SLC28A3: variants seen among roughly 807,000 people sequenced by gnomAD.
SLC28A3 encodes the protein solute carrier family 28 member 3, also known as concentrative Na(+)-nucleoside cotransporter 3.
Under a neutral mutation model 84.2 loss-of-function variants are expected in SLC28A3, and 68 were observed. The observed-to-expected ratio is 0.81, with a 90% CI of 0.66 to 0.99. The LOEUF (loss-of-function observed/expected upper bound fraction) is 0.99, where lower values mean the gene tolerates loss of function less well. Among genes scored for constraint, SLC28A3 ranks in the 50% least tolerant of loss-of-function variants. The probability of loss-of-function intolerance (pLI) is 0.00; values close to 1 mark genes in which losing one functional copy is unlikely to be tolerated. For missense variants in SLC28A3, 712 were observed against 841.5 expected, an observed-to-expected ratio of 0.85 and a Z score of 1.90; for synonymous variants, 267 against 303.6, an observed-to-expected ratio of 0.88 and a Z score of 1.25.
intron 1 of SLC28A3, among the ~76,000 whole-genome samples, chr9:84,322,422 A>G (rs1052231417): frequency 6.6e-6 from 1 of 152,230 alleles, no homozygotes; most frequent in East Asian, 1.9e-4. Context: ...TTCCTGTTCT[A>G]TGAAATCAAA....
intron 1 of SLC28A3, among the ~76,000 whole-genome samples, chr9:84,324,244 G>A (rs1826475968): frequency 6.6e-6 from 1 of 152,312 alleles, no homozygotes; most frequent in East Asian, 1.9e-4. Context: ...CTCCCTGGCT[G>A]CACAAATTAG....
intron 1 of SLC28A3, among the ~76,000 whole-genome samples, chr9:84,322,411 C>T (rs1826410233): frequency 6.6e-6 from 1 of 152,210 alleles, no homozygotes; most frequent in African/African-American, 2.4e-5. Context: ...TGGGATCTTC[C>T]TTCCTGTTCT....
the SLC28A3 span, among the ~76,000 whole-genome samples, chr9:84,355,094 C>T: frequency 6.8e-6 from 1 of 147,408 alleles, no homozygotes; most frequent in Non-Finnish European, 1.5e-5. Flanking sequence ...GGAATTAAAT[C>T]ACTGGTTGGG....
At chr9:84,343,976 A>T (rs1254208952), upstream of SLC28A3, among the ~76,000 whole-genome samples, 3 of 152,138 alleles carry the variant, frequency 2.0e-5, no homozygotes, top group Non-Finnish European at 4.4e-5. Context: ...CTGTAGTCCC[A>T]GCTACTTGGG....
At chr9:84,338,719 C>T (rs558595697) in intron 1 of SLC28A3, among the ~76,000 whole-genome samples, 3 of 152,168 alleles carry the variant, frequency 2.0e-5, no homozygotes, top group Non-Finnish European at 2.9e-5. Context: ...CTTCCTCTGA[C>T]TCTATCCAAT....
At chr9:84,317,968 C>T (rs565250928) in intron 1 of SLC28A3, among the ~76,000 whole-genome samples, 2 of 152,242 alleles carry the variant, frequency 1.3e-5, no homozygotes, top group Admixed American at 6.5e-5. Context: ...TTTACTCTTA[C>T]CATCTACCAA....
intron 3 of SLC28A3, among the ~76,000 whole-genome samples, chr9:84,308,051 G>C (rs1285026657): frequency 6.6e-6 from 1 of 152,128 alleles, no homozygotes; most frequent in African/African-American, 2.4e-5. Context: ...TATGTGACAA[G>C]AGCTGCCAAC....
intron 1 of SLC28A3, among the ~76,000 whole-genome samples, chr9:84,331,154 T>C (rs1441543341): frequency 6.6e-6 from 1 of 152,192 alleles, no homozygotes; most frequent in East Asian, 1.9e-4. Flanking sequence ...CTAGGTGTGA[T>C]CATGCAAACT....
chr9:84,315,463 G>A (rs982876296), intron 1 of SLC28A3, among the ~76,000 whole-genome samples: 1 of 149,558 alleles, frequency 6.7e-6, no homozygotes, highest in Non-Finnish European at 1.5e-5. Context: ...CTGCCACCTG[G>A]TGGCAGGATC....
the SLC28A3 span, among the ~76,000 whole-genome samples, chr9:84,349,367 G>C: frequency 1.3e-5 from 2 of 152,156 alleles, no homozygotes; most frequent in Admixed American, 1.3e-4. Flanking sequence ...CTCCTGAGTA[G>C]CTGGGATTAC....
Position 84,276,594 on chromosome 9 carries a change from A to G in SLC28A3, c.*1624T>C, listed in dbSNP as rs1824535121. 1 of 152,188 alleles carries G rather than the reference A, an allele frequency of 6.6e-6. No individual in the cohort carries two copies. The highest frequency in any genetic ancestry group is 2.4e-5 in the African/African-American group (1 of 41,452). The allele number at this position is 152,188 out of a possible 1,614,324, so 9.4% of individuals were successfully genotyped here. ...CAAACATTGAGAATGGGGGGAAAAC[A>G]TGCAAATATATTTTCCTAAAATAAA... On this transcript the variant is annotated 3_prime_UTR_variant, in exon 18 of 18. Transcript: ENST00000376238.
Position 84,297,281 on chromosome 9 carries a change from T to C in SLC28A3, c.801A>G (p.Thr267=), listed in dbSNP as rs1388524783. 3 of 1,613,190 alleles carry C rather than the reference T, an allele frequency of 1.9e-6. No homozygotes were observed. The South Asian group carries it at 3.3e-5, about 18-fold the overall frequency. The part of the protein sequence containing the change: ...GRQVQTFLEY[T]DAGASFVFGE... ...CAAAGACAAATGAAGCACCAGCATC[T>C]GTGTACTCCAGAAAAGTCTGAGTTA... Residue 267 remains threonine (T), a synonymous_variant, in exon 8 of 18, where the codon ACA becomes ACG. Coordinates refer to ENST00000376238, the MANE Select transcript of SLC28A3 (RefSeq NM_001199633.2).
At chr9:84,356,017 C>G in the SLC28A3 span, among the ~76,000 whole-genome samples, 3 of 151,952 alleles carry the variant, frequency 2.0e-5, no homozygotes, top group African/African-American at 7.3e-5. Flanking sequence ...GGGGGTTTCA[C>G]CATATTGTCC....
chr9:84,277,547 A>T lies in SLC28A3; in HGVS notation c.*671T>A, dbSNP rs1232228458. 1 of 152,274 alleles carries T rather than the reference A, an allele frequency of 6.6e-6. No individual in the cohort carries two copies. Among genetic ancestry groups the T allele is most frequent in the Non-Finnish European group, 1.5e-5 (1 of 68,058 alleles). 9.4% of individuals were successfully genotyped at this position (152,274 alleles called of 1,614,324 possible). A position where few individuals can be genotyped will look rare whatever the true frequency, so the allele number is the denominator to read the frequency against. On this transcript the variant is annotated 3_prime_UTR_variant, in exon 18 of 18. Coordinates refer to ENST00000376238, the MANE Select transcript of SLC28A3 (RefSeq NM_001199633.2). ...ATGGATCATTACAAACATGTGAGTG[A>T]AAAATAAATCTGTAAGCCACTGAGG...
Position 84,275,667 on chromosome 9 carries a change from G to A in SLC28A3, c.*2551C>T, listed in dbSNP as rs1378779253. The A allele has an allele frequency of 6.6e-6, 1 of 152,210 alleles. No homozygotes were observed. The highest frequency in any genetic ancestry group is 2.4e-5 in the African/African-American group (1 of 41,456). 9.4% of individuals were successfully genotyped at this position (152,210 alleles called of 1,614,324 possible). A position where few individuals can be genotyped will look rare whatever the true frequency, so the allele number is the denominator to read the frequency against. ...CCTCCATTAGGTTGTTTCACTGGGA[G>A]AAGGGCCACTTACGACGTTCACAGG... is the stretch of plus-strand genomic sequence containing the variant. On this transcript the variant is annotated 3_prime_UTR_variant, in exon 18 of 18. Coordinates refer to ENST00000376238, the MANE Select transcript of SLC28A3 (RefSeq NM_001199633.2).
chr9:84,333,514 A>T (rs1426973420), intron 1 of SLC28A3, among the ~76,000 whole-genome samples: 2 of 152,200 alleles, frequency 1.3e-5, no homozygotes, highest in Non-Finnish European at 2.9e-5. Flanking sequence ...AATGGAAAAA[A>T]TCCAGTAGAG....
At chr9:84,286,148 A>G (rs1477355075) in intron 12 of SLC28A3, 37 bp from the exon 13 acceptor site, 2 of 1,600,970 alleles carry the variant, frequency 1.2e-6, no homozygotes, top group Non-Finnish European at 1.7e-6. Context: ...ATTACCAAGG[A>G]GTTGTCAGGG....
chr9:84,313,868 G>GGAA (rs1169806359), intron 1 of SLC28A3, among the ~76,000 whole-genome samples: 1 of 125,576 alleles, frequency 8.0e-6, no homozygotes, highest in African/African-American at 3.0e-5. Flanking sequence ...GACTCTACCT[G>GGAA]AAAAAAAAAA....
At chr9:84,340,791 G>A, upstream of SLC28A3, 1 of 691,146 alleles carries the variant, frequency 1.4e-6, no homozygotes, top group South Asian at 1.8e-5. Flanking sequence ...TGAATGACTA[G>A]GGCTGACACC....
Sources: allele counts gnomAD v4.1 joint callset (sites outside exome capture counted in the v4.1 genomes callset), GRCh38; gene constraint gnomAD v4.1.1; transcripts MANE v1.5; gene names NCBI Gene and HGNC (gene_info 2026-07-23, HGNC 2026-07-21).